The following FXYD5 variants were observed in gnomAD, a reference collection of about 807,000 sequenced individuals.
FXYD5 encodes the protein FXYD domain-containing ion transport regulator 5.
Under a neutral mutation model 25.7 loss-of-function variants are expected in FXYD5, and 21 were observed. That is an observed-to-expected ratio of 0.82 (90% CI 0.58 to 1.18). FXYD5 has a LOEUF of 1.18. Among genes scored for constraint, FXYD5 ranks in the 50% most tolerant of loss-of-function variants. The pLI is 0.00. For missense variants in FXYD5, 229 were observed against 227.7 expected (o/e 1.01, Z -0.04); for synonymous variants, 101 against 90.7 (o/e 1.11, Z -0.64).
chr19:35,160,662 A>C, intron 4 of FXYD5, 47 bp from the exon 5 acceptor site: 2 of 1,311,510 alleles, frequency 1.5e-6, no homozygotes, highest in Non-Finnish European at 2.2e-6. Context: ...CTCTTTCCCC[A>C]GTGACTCTTT....
At chr19:35,159,020 C>A (rs113742653) in intron 4 of FXYD5, among the ~76,000 whole-genome samples, 5,968 of 151,476 alleles carry the variant, frequency 0.039, 143 homozygotes, top group East Asian at 0.069. Context: ...CCCAGCTACT[C>A]GAAAGGCTGA....
intron 8 of FXYD5, among the ~76,000 whole-genome samples, chr19:35,167,846 A>G (rs139513007): frequency 2.0e-5 from 3 of 152,264 alleles, no homozygotes; most frequent in African/African-American, 7.2e-5. Context: ...ACCAGGTCCT[A>G]TTCTCACCCC....
chr19:35,161,511 G>T (rs1483935713), intron 5 of FXYD5, among the ~76,000 whole-genome samples: 1 of 152,180 alleles, frequency 6.6e-6, no homozygotes, highest in Admixed American at 6.5e-5. Context: ...CATTGGTTCA[G>T]CTGGAGTCAC....
In FXYD5 at chr19:35,169,681, C is replaced by T. The variant is rs1045959828; in HGVS notation, c.*66C>T. 2.8e-5 allele frequency: 28 copies of T among 1,002,976 alleles called. No individual in the cohort carries two copies. The highest frequency in any genetic ancestry group is 4.6e-4 in the Middle Eastern group (2 of 4,338). 62.1% of individuals were successfully genotyped at this position (1,002,976 alleles called of 1,614,324 possible). A position where few individuals can be genotyped will look rare whatever the true frequency, so the allele number is the denominator to read the frequency against. On this transcript the variant is annotated 3_prime_UTR_variant, in exon 9 of 9. Transcript: ENST00000392219. ...AAGACCAAGCCCCCTGCCAGCTCAC[C>T]GTGCCCAGCCTCCTGCATCCCCTCG...
chr19:35,158,248 T>C (rs2065374321), intron 3 of FXYD5, 96 bp from the exon 4 acceptor site: 3 of 799,276 alleles, frequency 3.8e-6, no homozygotes, highest in Non-Finnish European at 2.3e-6. Context: ...TAAAGTTGAG[T>C]TGCTACGGGA....
intron 4 of FXYD5, among the ~76,000 whole-genome samples, chr19:35,158,687 C>T (rs185397888): frequency 6.2e-4 from 95 of 152,234 alleles, no homozygotes; most frequent in African/African-American, 2.1e-3. Context: ...AACTACCAAC[C>T]GGGTCAAGGA....
chr19:35,157,519 T>A lies in FXYD5; in HGVS notation c.142+18T>A, dbSNP rs200765657. On this transcript the variant is annotated intron_variant, in intron 3 of 8. Transcript: ENST00000392219. ...AGCCCCAGGTGAGGAAAGGGACACA[T>A]CTATCAAGATCCTGTCATTGCAAAT... 2.4e-3 allele frequency: 2,970 copies of A among 1,214,258 alleles called. 5 individuals carry two copies. The highest frequency in any genetic ancestry group is 3.2e-3 in the Non-Finnish European group (2,625 of 817,010). 75.2% of individuals were successfully genotyped at this position (1,214,258 alleles called of 1,614,324 possible). A position where few individuals can be genotyped will look rare whatever the true frequency, so the allele number is the denominator to read the frequency against.
At chr19:35,169,062 C>CAAAA (rs58642459) in intron 8 of FXYD5, among the ~76,000 whole-genome samples, 1 of 127,262 alleles carries the variant, frequency 7.9e-6, no homozygotes. Flanking sequence ...GACTCTGTCT[C>CAAAA]AAAAAAAAAA....
At position 35,160,734 on chromosome 19, in the gene FXYD5, C is replaced by A. The variant is rs745682236; in HGVS notation, c.225C>A (p.Thr75=). ...ADETPQPQTQ[T]QQLEGTDGPL... is the part of the protein sequence containing the mutation. ...AAACACCACAACCCCAGACCCAGACCCAGCAACTGGAAGGAACGGATGGGC... is the reference window on the plus strand; with the variant it reads ...AAACACCACAACCCCAGACCCAGACACAGCAACTGGAAGGAACGGATGGGC... The change falls in exon 5 of 9, where the codon ACC becomes ACA. Residue 75 remains threonine, a synonymous_variant. Transcript: ENST00000392219. 24 of 1,613,414 alleles carry A rather than the reference C, an allele frequency of 1.5e-5. No individual in the cohort carries two copies. Among genetic ancestry groups the A allele is most frequent in the Middle Eastern group, 3.3e-4 (2 of 6,082 alleles).
Position 35,160,720 on chromosome 19 carries a change from C to CCCCAGA in FXYD5, c.223_228dup (p.Thr75_Gln76dup), listed in dbSNP as rs1411716175. 25 of 1,612,374 alleles carry CCCCAGA rather than the reference C, an allele frequency of 1.6e-5. No individual in the cohort carries two copies. The highest frequency in any genetic ancestry group is 1.6e-4 in the Middle Eastern group (1 of 6,062). ...CCTGACCTGAATAGAAACACCACAA[C>CCCCAGA]CCCAGACCCAGACCCAGCAACTGGA... On this transcript the variant is annotated inframe_insertion, in exon 5 of 9. Coordinates refer to ENST00000392219, the MANE Select transcript of FXYD5 (RefSeq NM_014164.6).
intron 8 of FXYD5, among the ~76,000 whole-genome samples, chr19:35,167,150 A>C (rs1374954491): frequency 6.6e-6 from 1 of 152,166 alleles, no homozygotes; most frequent in Non-Finnish European, 1.5e-5. Flanking sequence ...GGCAGGTGGC[A>C]GAAGGACCTG....
intron 5 of FXYD5, among the ~76,000 whole-genome samples, chr19:35,161,221 A>AACACAC (rs147168736): frequency 5.2e-5 from 2 of 38,204 alleles, no homozygotes; most frequent in Non-Finnish European, 1.1e-4. Flanking sequence ...ATTCACCTTA[A>AACACAC]ACACACACAC....
chr19:35,163,957 C>T, intron 5 of FXYD5, 199 bp from the exon 6 acceptor site: 2 of 1,457,946 alleles, frequency 1.4e-6, no homozygotes, highest in Admixed American at 2.5e-5. Flanking sequence ...GCAACCGGGG[C>T]TATGTGCTTA....
intron 8 of FXYD5, among the ~76,000 whole-genome samples, chr19:35,167,687 A>C (rs995909207): frequency 3.9e-5 from 6 of 152,244 alleles, no homozygotes; most frequent in African/African-American, 1.4e-4. Context: ...AAATGAGCAT[A>C]GCCACATCTT....
chr19:35,165,172 A>G (rs185790464), intron 6 of FXYD5, among the ~76,000 whole-genome samples: 2 of 152,358 alleles, frequency 1.3e-5, no homozygotes, highest in African/African-American at 4.8e-5. Context: ...AAAAGAATTC[A>G]GAGAGTCCAT....
Position 35,169,650 on chromosome 19 carries a change from C to T in FXYD5, c.*35C>T. 7.0e-7 allele frequency: 1 copy of T among 1,422,360 alleles called. No homozygotes were observed. The highest frequency in any genetic ancestry group is 1.0e-6 in the Non-Finnish European group (1 of 1,004,932). The allele number at this position is 1,422,360 out of a possible 1,614,324, so 88.1% of individuals were successfully genotyped here. On this transcript the variant is annotated 3_prime_UTR_variant, in exon 9 of 9. Coordinates refer to ENST00000392219, the MANE Select transcript of FXYD5 (RefSeq NM_014164.6). Reference sequence around the variant, plus strand: ...AAACAGGAGCTGACAACCTGCTGGGCACCCGAAGACCAAGCCCCCTGCCAG... The same window carrying T: ...AAACAGGAGCTGACAACCTGCTGGGTACCCGAAGACCAAGCCCCCTGCCAG...
At chr19:35,162,860 A>C (rs1384659401) in intron 5 of FXYD5, among the ~76,000 whole-genome samples, 1 of 152,202 alleles carries the variant, frequency 6.6e-6, no homozygotes, top group Non-Finnish European at 1.5e-5. Flanking sequence ...AAAGAAAGGG[A>C]GAGCTGTTCC....
At chr19:35,162,267 CTA>C (rs770037405) in intron 5 of FXYD5, among the ~76,000 whole-genome samples, 123 of 152,322 alleles carry the variant, frequency 8.1e-4, no homozygotes, top group Non-Finnish European at 1.4e-3. Context: ...TCTTCCTCCT[CTA>C]TCTTTGCTTC....
intron 1 of FXYD5, 156 bp from the exon 2 acceptor site, chr19:35,155,395 C>A: frequency 1.5e-6 from 1 of 661,976 alleles, no homozygotes; most frequent in Admixed American, 2.2e-5. Context: ...AAGACCCTCC[C>A]CTTTCCCCTG....
Sources: allele counts gnomAD v4.1 joint callset (sites outside exome capture counted in the v4.1 genomes callset), GRCh38; gene constraint gnomAD v4.1.1; transcripts MANE v1.5; gene names NCBI Gene and HGNC (gene_info 2026-07-23, HGNC 2026-07-21).